The following PREX2 variants were observed in gnomAD, a reference collection of about 807,000 sequenced individuals.
PREX2 encodes phosphatidylinositol-3,4,5-trisphosphate dependent Rac exchange factor 2.
In PREX2, 107 loss-of-function variants were observed where a neutral mutation model predicts 203.2. The ratio of observed to expected loss-of-function variants is 0.53; its 90% confidence interval spans 0.45 to 0.62. The LOEUF is 0.62. PREX2 is among the 20% of genes least tolerant of loss of function. PREX2 has a pLI of 0.00. For missense variants in PREX2, 1,777 were observed against 1,955.9 expected (o/e 0.91, Z 1.72); for synonymous variants, 672 against 663.6 (o/e 1.01, Z -0.19).
chr8:68,112,824 A>AC (rs1253381237), intron 25 of PREX2, among the ~76,000 whole-genome samples: 2 of 152,122 alleles, frequency 1.3e-5, no homozygotes, highest in African/African-American at 4.8e-5. Flanking sequence ...AAATAATAAT[A>AC]CCTACTTCAT....
At chr8:68,070,414 G>A (rs1028266403) in intron 13 of PREX2, among the ~76,000 whole-genome samples, 6 of 151,792 alleles carry the variant, frequency 4.0e-5, no homozygotes, top group Admixed American at 3.9e-4. Context: ...TTTTCCTTCT[G>A]AAGAGGCACA....
chr8:68,158,550 A>G (rs1811592454), intron 35 of PREX2, among the ~76,000 whole-genome samples: 1 of 152,180 alleles, frequency 6.6e-6, no homozygotes, highest in Non-Finnish European at 1.5e-5. Flanking sequence ...ACTGATTTAC[A>G]GAAATAACAT....
chr8:68,087,689 AC>A (rs1563538048), intron 18 of PREX2, 34 bp from the exon 19 acceptor site: 1 of 1,457,864 alleles, frequency 6.9e-7, no homozygotes, highest in Non-Finnish European at 9.6e-7. Context: ...TTTGATTCTT[AC>A]GCTTCATCTT....
intron 1 of PREX2, among the ~76,000 whole-genome samples, chr8:67,982,547 G>A (rs1237241057): frequency 1.3e-5 from 2 of 152,156 alleles, no homozygotes; most frequent in African/African-American, 4.8e-5. Flanking sequence ...AAGATACATT[G>A]ACATGTATTA....
chr8:68,100,652 G>A (rs553010469), intron 23 of PREX2, among the ~76,000 whole-genome samples: 8 of 152,254 alleles, frequency 5.3e-5, no homozygotes, highest in South Asian at 2.1e-4. Flanking sequence ...GTTGGTGGCC[G>A]GGCTTAAGGT....
At chr8:68,139,063 G>A (rs1811169111) in intron 33 of PREX2, among the ~76,000 whole-genome samples, 1 of 152,172 alleles carries the variant, frequency 6.6e-6, no homozygotes, top group African/African-American at 2.4e-5. Context: ...TATTCTTGGT[G>A]TTGGATTCAG....
In PREX2 at chr8:68,077,424, A is replaced by T. The variant is rs1254402334; in HGVS notation, c.1597A>T (p.Met533Leu). The T allele has an allele frequency of 6.2e-7, 1 of 1,613,896 alleles. No homozygotes were observed. The highest frequency in any genetic ancestry group is 1.7e-5 in the Admixed American group (1 of 60,018). ...AGATTGCCGCACCAGAGAAGAGGCA[A>T]TGATATTTGGCGTTGGACTCTGTGA... ...QGDCRTREEA[M>L]IFGVGLCDNG... Residue 533 changes from methionine (M) to leucine (L), a missense_variant, in exon 15 of 40, where the codon ATG becomes TTG. Physicochemically the swap from Met to Leu is conservative, Grantham distance 15. Coordinates refer to ENST00000288368, the MANE Select transcript of PREX2 (RefSeq NM_024870.4).
chr8:67,970,314 A>T (rs1179315621), intron 1 of PREX2, among the ~76,000 whole-genome samples: 2 of 152,246 alleles, frequency 1.3e-5, no homozygotes, highest in Non-Finnish European at 2.9e-5. Context: ...CCACACTAAA[A>T]AATATAATAA....
intron 9 of PREX2, 69 bp downstream of exon 9, chr8:68,053,315 G>A: frequency 1.3e-6 from 2 of 1,490,798 alleles, no homozygotes; most frequent in South Asian, 2.4e-5. Context: ...CAGATAATGG[G>A]AAAACATGAG....
intron 37 of PREX2, among the ~76,000 whole-genome samples, chr8:68,197,696 A>G (rs1220390758): frequency 6.7e-6 from 1 of 148,842 alleles, no homozygotes; most frequent in Non-Finnish European, 1.5e-5. Context: ...GGCAGATTAT[A>G]TATATACAAT....
chr8:68,084,529 T>C lies in PREX2; in HGVS notation c.2027+1141T>C, dbSNP rs1257691976. On this transcript the variant is annotated intron_variant, in intron 18 of 39. Transcript: ENST00000288368. ...CAAAGTGCAGTGCAGTGGGCTGGGT[T>C]CTCCCTAGTGAGTCTCTTCAAGGCA... Among the ~76,000 whole-genome samples the C allele has an allele frequency of 2.6e-5, 4 of 152,150 alleles. No individual in the cohort carries two copies. The East Asian group carries it at 7.7e-4, about 29-fold the overall frequency.
chr8:68,019,600 A>G lies in PREX2; in HGVS notation c.265A>G (p.Lys89Glu), dbSNP rs1419107318. 3 of 1,613,114 alleles carry G rather than the reference A, an allele frequency of 1.9e-6. No individual in the cohort carries two copies. The highest frequency in any genetic ancestry group is 2.5e-6 in the Non-Finnish European group (3 of 1,179,168). ...CCTTGCAGTACATAAAGAATTCTTA[A>G]AAGTCGTGGAAGAATGCTTACACCC... is the stretch of plus-strand genomic sequence containing the variant. The part of the protein sequence containing the change: ...DILAVHKEFL[K>E]VVEECLHPEP... The change falls in exon 3 of 40, where the codon AAA (lysine) becomes GAA (glutamate). Residue 89 changes from lysine to glutamate, a missense_variant. Coordinates refer to ENST00000288368, the MANE Select transcript of PREX2 (RefSeq NM_024870.4).
At chr8:68,067,605 T>C (rs1809057384) in intron 11 of PREX2, among the ~76,000 whole-genome samples, 1 of 152,046 alleles carries the variant, frequency 6.6e-6, no homozygotes, top group Non-Finnish European at 1.5e-5. Flanking sequence ...TCCTGCAAGT[T>C]TACTGAATTA....
At chr8:68,209,696 A>G (rs549732588) in intron 37 of PREX2, among the ~76,000 whole-genome samples, 1 of 152,330 alleles carries the variant, frequency 6.6e-6, no homozygotes, top group South Asian at 2.1e-4. Flanking sequence ...CATTGGGGAA[A>G]AACTTACTGA....
chr8:68,201,081 GTTA>G (rs1812491918), intron 37 of PREX2, among the ~76,000 whole-genome samples: 1 of 151,994 alleles, frequency 6.6e-6, no homozygotes, highest in African/African-American at 2.4e-5. Context: ...ATAAACTGAA[GTTA>G]TTGTCTTTTC....
At chr8:67,983,991 G>A (rs773918277) in intron 1 of PREX2, among the ~76,000 whole-genome samples, 56 of 151,636 alleles carry the variant, frequency 3.7e-4, no homozygotes, top group Middle Eastern at 3.6e-3. Context: ...TGCCGTGCTT[G>A]GTACTGCTCT....
intron 1 of PREX2, among the ~76,000 whole-genome samples, chr8:67,997,375 G>A (rs6998813): frequency 0.29 from 44,131 of 151,902 alleles, 6,967 homozygotes; most frequent in African/African-American, 0.41. Flanking sequence ...CATACATACT[G>A]TGATTGTTTA....
chr8:67,980,956 G>A (rs1238716309), intron 1 of PREX2, among the ~76,000 whole-genome samples: 1 of 152,168 alleles, frequency 6.6e-6, no homozygotes, highest in African/African-American at 2.4e-5. Flanking sequence ...ACTGCGCGTG[G>A]CTTTCTTCAT....
chr8:67,983,168 C>G (rs1434120837), intron 1 of PREX2, among the ~76,000 whole-genome samples: 1 of 152,164 alleles, frequency 6.6e-6, no homozygotes, highest in Non-Finnish European at 1.5e-5. Context: ...TGTGCTTCCT[C>G]AAAAGCCAAC....
Sources: allele counts gnomAD v4.1 joint callset (sites outside exome capture counted in the v4.1 genomes callset), GRCh38; gene constraint gnomAD v4.1.1; transcripts MANE v1.5; gene names NCBI Gene and HGNC (gene_info 2026-07-23, HGNC 2026-07-21).